The following NUBPL variants were observed in gnomAD, a reference collection of about 807,000 sequenced individuals.
The protein encoded by NUBPL is NUBP iron-sulfur cluster assembly factor, mitochondrial.
NUBPL carries 31 observed loss-of-function variants against 45.7 expected under a neutral mutation model. The observed-to-expected ratio is 0.68, with a 90% CI of 0.51 to 0.92. The LOEUF is 0.92. Among genes scored for constraint, NUBPL ranks in the 40% least tolerant of loss-of-function variants. The pLI is 0.00. For missense variants in NUBPL, 401 were observed against 398.7 expected (o/e 1.01, Z -0.05); for synonymous variants, 144 against 140.9 (o/e 1.02, Z -0.15).
intron 6 of NUBPL, among the ~76,000 whole-genome samples, chr14:31,715,902 A>G (rs1195503517): frequency 6.6e-6 from 1 of 151,612 alleles, no homozygotes; most frequent in Non-Finnish European, 1.5e-5. Context: ...GTTTTGACTC[A>G]TAATATTTAT....
At chr14:31,832,354 A>G (rs1341731702) in intron 8 of NUBPL, among the ~76,000 whole-genome samples, 1 of 152,174 alleles carries the variant, frequency 6.6e-6, no homozygotes, top group Non-Finnish European at 1.5e-5. Flanking sequence ...TTGGGAATCG[A>G]TTGTATAGGG....
At chr14:31,615,073 A>T (rs1181803382) in intron 4 of NUBPL, among the ~76,000 whole-genome samples, 1 of 152,082 alleles carries the variant, frequency 6.6e-6, no homozygotes, top group African/African-American at 2.4e-5. Context: ...TGAGGAATGG[A>T]CCTGGTGGGA....
intron 8 of NUBPL, among the ~76,000 whole-genome samples, chr14:31,838,279 C>CAAAAAAAAAAAAAAAAAAAAAA (rs748313330): frequency 3.3e-5 from 2 of 60,278 alleles, no homozygotes; most frequent in Non-Finnish European, 3.7e-5. Flanking sequence ...TAATATCCAG[C>CAAAAAAAAAAAAAAAAAAAAAA]AAAAAAAAAA....
At chr14:31,772,332 C>T (rs1251254546) in intron 6 of NUBPL, among the ~76,000 whole-genome samples, 1 of 152,040 alleles carries the variant, frequency 6.6e-6, no homozygotes, top group Non-Finnish European at 1.5e-5. Context: ...GATTCTTAAG[C>T]AGGTTTGTAA....
chr14:31,704,608 A>G (rs2037406538), intron 6 of NUBPL, among the ~76,000 whole-genome samples: 1 of 152,204 alleles, frequency 6.6e-6, no homozygotes, highest in East Asian at 1.9e-4. Flanking sequence ...GGTTGCTGTG[A>G]GCCAAGATCA....
At chr14:31,813,462 CACACAT>C (rs1258708572) in intron 7 of NUBPL, among the ~76,000 whole-genome samples, 69 of 151,114 alleles carry the variant, frequency 4.6e-4, no homozygotes, top group African/African-American at 1.2e-3. Context: ...CACACACACA[CACACAT>C]ACATACATAT....
chr14:31,803,824 G>C (rs1283671591), intron 7 of NUBPL, among the ~76,000 whole-genome samples: 3 of 152,190 alleles, frequency 2.0e-5, no homozygotes, highest in Admixed American at 6.5e-5. Context: ...TGGAAATTCA[G>C]TTTGAAACTT....
At chr14:31,579,142 G>T (rs375119163) in intron 3 of NUBPL, among the ~76,000 whole-genome samples, 1 of 152,148 alleles carries the variant, frequency 6.6e-6, no homozygotes, top group Non-Finnish European at 1.5e-5. Context: ...TCTCAAATTT[G>T]TGCTGGAATG....
intron 6 of NUBPL, among the ~76,000 whole-genome samples, chr14:31,732,969 C>T (rs1394224475): frequency 4.6e-5 from 7 of 152,030 alleles, no homozygotes; most frequent in Non-Finnish European, 1.0e-4. Flanking sequence ...CTATCCCAAG[C>T]GTGAGGAAAT....
chr14:31,696,855 T>C (rs2037225395), intron 6 of NUBPL, among the ~76,000 whole-genome samples: 1 of 152,218 alleles, frequency 6.6e-6, no homozygotes, highest in South Asian at 2.1e-4. Flanking sequence ...ACAGATTTCA[T>C]TTCTGATTTT....
Position 31,731,830 on chromosome 14 carries a change from G to A in NUBPL, c.514-55950G>A, listed in dbSNP as rs374091245. Reference sequence around the variant, plus strand: ...GAAGATACTCTGAAACTCTCAACTTGGTCAAATGTATAACATAAAGGAAGG... The same window carrying A: ...GAAGATACTCTGAAACTCTCAACTTAGTCAAATGTATAACATAAAGGAAGG... On this transcript the variant is annotated intron_variant, in intron 6 of 10. Transcript: ENST00000281081. 3.3e-5 allele frequency among the ~76,000 whole-genome samples: 5 copies of A among 152,028 alleles called. 1 individual carries two copies. Among genetic ancestry groups the A allele is most frequent in the African/African-American group, 9.7e-5 (4 of 41,438 alleles).
chr14:31,646,480 G>C (rs936731563), intron 4 of NUBPL, among the ~76,000 whole-genome samples: 1 of 152,152 alleles, frequency 6.6e-6, no homozygotes, highest in Admixed American at 6.5e-5. Flanking sequence ...GAGCCACCAC[G>C]CTTGGCCATC....
At position 31,712,900 on chromosome 14, in the gene NUBPL, A is replaced by G. The variant is rs552234351; in HGVS notation, c.513+39326A>G. The stretch of plus-strand genomic sequence containing the variant: ...GGGAAGAAATGTAATTATGTGTGGG[A>G]AAACAGGAACTAGGGAGGGGTAAGG... On this transcript the variant is annotated intron_variant, in intron 6 of 10. Transcript: ENST00000281081. Among the ~76,000 whole-genome samples, 4 of 152,296 alleles carry G rather than the reference A, an allele frequency of 2.6e-5. No individual in the cohort carries two copies. The South Asian group carries it at 8.3e-4, about 32-fold the overall frequency.
chr14:31,830,222 A>G (rs935869376), intron 8 of NUBPL, among the ~76,000 whole-genome samples: 14 of 152,202 alleles, frequency 9.2e-5, no homozygotes, highest in Admixed American at 9.2e-4. Context: ...TTATTTTTCC[A>G]CAAATCTATA....
intron 4 of NUBPL, among the ~76,000 whole-genome samples, chr14:31,614,773 C>T (rs138548748): frequency 1.3e-5 from 2 of 152,238 alleles, no homozygotes; most frequent in Non-Finnish European, 2.9e-5. Context: ...CAGATTTGGT[C>T]TTTCTCTGTG....
chr14:31,754,256 T>C (rs962829496), intron 6 of NUBPL, among the ~76,000 whole-genome samples: 5 of 152,162 alleles, frequency 3.3e-5, no homozygotes, highest in Admixed American at 6.5e-5. Flanking sequence ...AAGTATAAGA[T>C]CTAGGCAGCA....
At chr14:31,588,771 T>C (rs1206458438) in intron 3 of NUBPL, among the ~76,000 whole-genome samples, 1 of 151,666 alleles carries the variant, frequency 6.6e-6, no homozygotes, top group Non-Finnish European at 1.5e-5. Flanking sequence ...AAAAAAAAAT[T>C]AGCGGGGCGT....
rs755503194 is a variant in NUBPL, at chr14:31,773,461, G to A, written c.514-14319G>A. On this transcript the variant is annotated intron_variant, in intron 6 of 10. Coordinates refer to ENST00000281081, the MANE Select transcript of NUBPL (RefSeq NM_025152.3). ...AGAGATGGATGTAAATATTTTCTTC[G>A]TTTAGGGAGCATAAACTGAAGTTGA... 1.9e-4 allele frequency among the ~76,000 whole-genome samples: 29 copies of A among 152,174 alleles called. No homozygotes were observed. The East Asian group carries it at 1.9e-3, about 10-fold the overall frequency.
rs1218136103 is a variant in NUBPL at position 31,818,559 on chromosome 14, C to CTTTTTTCTTTTTTT, written c.608-8065_608-8064insTCTTTTTTTTTTTT. On this transcript the variant is annotated intron_variant, in intron 7 of 10. Transcript: ENST00000281081. ...ACAGTTGATATAGTTTTCTTTTTTT[C>CTTTTTTCTTTTTTT]TTTTTGAGTTGGAGTCTCGCACTGT... 1.7e-3 allele frequency among the ~76,000 whole-genome samples: 264 copies of CTTTTTTCTTTTTTT among 151,118 alleles called. 1 individual carries two copies. Among genetic ancestry groups the CTTTTTTCTTTTTTT allele is most frequent in the African/African-American group, 6.1e-3 (250 of 41,148 alleles).
Sources: gnomAD v4.1 joint callset for allele counts (sites outside exome capture counted in the v4.1 genomes callset) on GRCh38, gnomAD v4.1.1 for gene constraint, MANE v1.5 for transcripts, NCBI Gene and HGNC (gene_info 2026-07-23, HGNC 2026-07-21) for gene names.